The following NFILZ variants were observed in gnomAD, a reference collection of about 807,000 sequenced individuals.
The protein encoded by NFILZ is NFIL3 like basic leucine zipper.
intron 3 of NFILZ, among the ~76,000 whole-genome samples, chr19:8,673,563 G>T (rs1555750481): frequency 6.6e-6 from 1 of 152,188 alleles, no homozygotes; most frequent in African/African-American, 2.4e-5. Flanking sequence ...GTTGGTCCTG[G>T]ACTTGGGTTC....
rs782674096 is a variant in NFILZ, at chr19:8,656,394, C to A, written c.-163-18157C>A. Among the ~76,000 whole-genome samples, 617 of 65,876 alleles carry A rather than the reference C, an allele frequency of 9.4e-3. 40 individuals are homozygous for A. The highest frequency in any genetic ancestry group is 0.032 in the East Asian group (66 of 2,084). The allele number at this position is 65,876 out of a possible 152,430, so 43.2% of individuals were successfully genotyped here. On this transcript the variant is annotated intron_variant, in intron 3 of 5. Coordinates refer to ENST00000691075, the MANE Select transcript of NFILZ (RefSeq NM_001378600.1). ...TCTCCCTGAAGCCCACCTTCTCCCG[C>A]AGCCCACCTTCTCTCTGAAACCCAC...
chr19:8,647,444 C>T (rs781815553), intron 3 of NFILZ, among the ~76,000 whole-genome samples: 9 of 151,940 alleles, frequency 5.9e-5, no homozygotes, highest in Non-Finnish European at 8.8e-5. Context: ...TGGTGGCAGG[C>T]GCCTGTAATC....
Position 8,677,527 on chromosome 19 carries a change from C to G in NFILZ, c.762C>G (p.Asn254Lys), listed in dbSNP as rs2043116672. ...GGGTGACCTGCCCTGCCCCAGGGAA[C>G]AGTCCTGAGGGTCTGGGTCAGCCCT... The part of the protein sequence containing the change: ...SPGVTCPAPG[N>K]SPEGLGQPSL... The change falls in exon 6 of 6, where the codon AAC becomes AAG. Residue 254 changes from asparagine (N) to lysine (K), a missense_variant. By Grantham distance (94) the Asn-to-Lys change is moderately conservative. Coordinates refer to ENST00000691075, the MANE Select transcript of NFILZ (RefSeq NM_001378600.1). 6.6e-6 allele frequency: 1 copy of G among 152,240 alleles called. No homozygotes were observed. Among genetic ancestry groups the G allele is most frequent in the Non-Finnish European group, 1.5e-5 (1 of 68,098 alleles). The allele number at this position is 152,240 out of a possible 1,614,324, so 9.4% of individuals were successfully genotyped here.
At position 8,678,135 on chromosome 19, in the gene NFILZ, ATTCATCCACTTGTCCG is replaced by A. The variant is rs2043125180; in HGVS notation, c.*502_*517del. 2.1e-5 allele frequency among the ~76,000 whole-genome samples: 3 copies of A among 142,390 alleles called. No individual in the cohort carries two copies. Among genetic ancestry groups the A allele is most frequent in the Non-Finnish European group, 3.1e-5 (2 of 64,700 alleles). 93.4% of individuals were successfully genotyped at this position (142,390 alleles called of 152,430 possible). A position where few individuals can be genotyped will look rare whatever the true frequency, so the allele number is the denominator to read the frequency against. On this transcript the variant is annotated 3_prime_UTR_variant, in exon 6 of 6. Coordinates refer to ENST00000691075, the MANE Select transcript of NFILZ (RefSeq NM_001378600.1). ...CATCCATCCATCCATCCCTCCATCCATTCATCCACTTGTCCGTCCATCCATCCATCCATCCATCCAT... is the reference window on the plus strand; with the variant it reads ...CATCCATCCATCCATCCCTCCATCCATCCATCCATCCATCCATCCATCCAT...
chr19:8,659,180 G>A (rs1032621074), intron 3 of NFILZ, among the ~76,000 whole-genome samples: 6 of 150,060 alleles, frequency 4.0e-5, no homozygotes, highest in Non-Finnish European at 8.9e-5. Flanking sequence ...CTGAGAAGGC[G>A]GAGATGGCAG....
intron 3 of NFILZ, among the ~76,000 whole-genome samples, chr19:8,664,487 G>C (rs1236037560): frequency 2.0e-5 from 3 of 152,174 alleles, no homozygotes. Context: ...GCCGGGGGAG[G>C]GGGAGGGCGG....
At chr19:8,666,694 A>G (rs1399559126) in intron 3 of NFILZ, among the ~76,000 whole-genome samples, 2 of 152,080 alleles carry the variant, frequency 1.3e-5, no homozygotes, top group Non-Finnish European at 2.9e-5. Flanking sequence ...ATTCTAATTT[A>G]GGAGCAGAGG....
At chr19:8,631,932 C>T (rs1327821091) in intron 1 of NFILZ, among the ~76,000 whole-genome samples, 1 of 151,096 alleles carries the variant, frequency 6.6e-6, no homozygotes, top group Non-Finnish European at 1.5e-5. Flanking sequence ...TGCAGTGGCT[C>T]GATCTCAGCT....
Position 8,680,053 on chromosome 19 carries a change from G to T in NFILZ, c.*2418G>T, listed in dbSNP as rs375827614. 6.6e-6 allele frequency among the ~76,000 whole-genome samples: 1 copy of T among 151,750 alleles called. No individual in the cohort carries two copies. The highest frequency in any genetic ancestry group is 1.5e-5 in the Non-Finnish European group (1 of 67,956). Reference sequence around the variant, plus strand: ...TCTAGTAAAAATACAAAAATTAGCCGGGCATGGTAGCGAGCGCCTGTAATC... The same window carrying T: ...TCTAGTAAAAATACAAAAATTAGCCTGGCATGGTAGCGAGCGCCTGTAATC... On this transcript the variant is annotated 3_prime_UTR_variant, in exon 6 of 6. Transcript: ENST00000691075.
At chr19:8,653,003 C>CTTTCTTT (rs1600145535) in intron 3 of NFILZ, among the ~76,000 whole-genome samples, 17 of 41,486 alleles carry the variant, frequency 4.1e-4, no homozygotes, top group Admixed American at 1.1e-3. Flanking sequence ...TTCCTTCCTT[C>CTTTCTTT]CTTCCTTCCT....
rs1491196472 is a variant in NFILZ, at chr19:8,653,039, T to TCTCTCTCC, written c.-164+17300_-164+17301insCCTCTCTC. ...TTCTTTCTTTCTTTCTTTCTTTCTT[T>TCTCTCTCC]CTCTCTCTCTCTCTCTCTCTCTCTC... On this transcript the variant is annotated intron_variant, in intron 3 of 5. Coordinates refer to ENST00000691075, the MANE Select transcript of NFILZ (RefSeq NM_001378600.1). 2.6e-3 allele frequency among the ~76,000 whole-genome samples: 202 copies of TCTCTCTCC among 77,254 alleles called. 1 individual carries two copies. Among genetic ancestry groups the TCTCTCTCC allele is most frequent in the Admixed American group, 3.6e-3 (25 of 6,964 alleles). 50.7% of individuals were successfully genotyped at this position (77,254 alleles called of 152,430 possible).
chr19:8,666,349 A>AT (rs551654366), intron 3 of NFILZ, among the ~76,000 whole-genome samples: 1 of 146,100 alleles, frequency 6.8e-6, no homozygotes, highest in South Asian at 2.2e-4. Context: ...TTTTTTTTTG[A>AT]TTTTTTTGTA....
At chr19:8,663,722 TTGTGTGTGTGTGTGTGTG>T (rs879983007) in intron 3 of NFILZ, among the ~76,000 whole-genome samples, 2 of 10,800 alleles carry the variant, frequency 1.9e-4, no homozygotes, top group Non-Finnish European at 2.3e-4. Flanking sequence ...GTGTGTGTGT[TTGTGTGTGTGTGTGTGTG>T]TGTGTGTGTG....
chr19:8,667,727 G>A (rs1384606921), intron 3 of NFILZ, among the ~76,000 whole-genome samples: 1 of 151,806 alleles, frequency 6.6e-6, no homozygotes, highest in South Asian at 2.1e-4. Flanking sequence ...TGTATTTTTA[G>A]TACAGACGAG....
intron 3 of NFILZ, among the ~76,000 whole-genome samples, chr19:8,644,496 G>A (rs1197598954): frequency 6.6e-6 from 1 of 151,466 alleles, no homozygotes; most frequent in African/African-American, 2.4e-5. Flanking sequence ...TGACTTTGAA[G>A]TCTGTTGCCC....
intron 3 of NFILZ, among the ~76,000 whole-genome samples, chr19:8,640,120 T>C (rs782135931): frequency 6.6e-6 from 1 of 152,060 alleles, no homozygotes; most frequent in African/African-American, 2.4e-5. Flanking sequence ...TGGTTGCGTC[T>C]TGGCCTGAGT....
Position 8,650,948 on chromosome 19 carries a change from CGGATTT to C in NFILZ, c.-164+15203_-164+15208del, listed in dbSNP as rs2042962379. The stretch of plus-strand genomic sequence containing the variant: ...CATGTACAGAGGCAGTCCACATAAG[CGGATTT>C]AATTATCCACTTTCTTTTTCTTAAA... On this transcript the variant is annotated intron_variant, in intron 3 of 5. Transcript: ENST00000691075. 7.2e-4 allele frequency among the ~76,000 whole-genome samples: 109 copies of C among 152,180 alleles called. 1 individual carries two copies. Among genetic ancestry groups the C allele is most frequent in the Non-Finnish European group, 1.2e-3 (82 of 68,054 alleles).
Position 8,680,542 on chromosome 19 carries a change from G to C in NFILZ, c.*2907G>C, listed in dbSNP as rs1436773880. Reference sequence around the variant, plus strand: ...ATAGTCTCCTATCTTTATGTTCCAGGTACTGGGGAAAGAGAAGTGAACACA... The same window carrying C: ...ATAGTCTCCTATCTTTATGTTCCAGCTACTGGGGAAAGAGAAGTGAACACA... On this transcript the variant is annotated 3_prime_UTR_variant, in exon 6 of 6. Coordinates refer to ENST00000691075, the MANE Select transcript of NFILZ (RefSeq NM_001378600.1). Among the ~76,000 whole-genome samples the C allele has an allele frequency of 6.6e-6, 1 of 152,034 alleles. No individual in the cohort carries two copies. Among genetic ancestry groups the C allele is most frequent in the Non-Finnish European group, 1.5e-5 (1 of 68,022 alleles).
At chr19:8,639,598 T>C (rs1443821904) in intron 3 of NFILZ, among the ~76,000 whole-genome samples, 1 of 141,806 alleles carries the variant, frequency 7.1e-6, no homozygotes, top group Non-Finnish European at 1.5e-5. Context: ...CTTAAGAAAA[T>C]TAAAAAAAAA....
Sources: gnomAD v4.1 joint callset for allele counts (sites outside exome capture counted in the v4.1 genomes callset) on GRCh38, gnomAD v4.1.1 for gene constraint, MANE v1.5 for transcripts, NCBI Gene and HGNC (gene_info 2026-07-23, HGNC 2026-07-21) for gene names.